The following FAT3 variants were observed in gnomAD, a reference collection of about 807,000 sequenced individuals.
FAT3 encodes FAT atypical cadherin 3.
In FAT3, 95 loss-of-function variants were observed where a neutral mutation model predicts 310.2. The ratio of observed to expected loss-of-function variants is 0.31; its 90% CI spans 0.26 to 0.36. The LOEUF is 0.36. Among genes scored for constraint, FAT3 ranks in the 10% least tolerant of loss-of-function variants. FAT3 has a pLI of 1.00. For missense variants in FAT3, 5,408 were observed against 5,715.6 expected (o/e 0.95, Z 1.74); for synonymous variants, 2,314 against 2,192.9 (o/e 1.06, Z -1.54).
At chr11:92,664,094 C>G (rs1219697663) in intron 3 of FAT3, among the ~76,000 whole-genome samples, 1 of 152,152 alleles carries the variant, frequency 6.6e-6, no homozygotes, top group Non-Finnish European at 1.5e-5. Context: ...CTCATCATCA[C>G]TCTTTTACAC....
intron 6 of FAT3, among the ~76,000 whole-genome samples, chr11:92,770,359 C>T (rs929585334): frequency 6.6e-6 from 1 of 152,204 alleles, no homozygotes; most frequent in Non-Finnish European, 1.5e-5. Context: ...CTGACCTCCA[C>T]CTGGTGTCCC....
intron 1 of FAT3, among the ~76,000 whole-genome samples, chr11:92,328,649 G>A (rs6483176): frequency 0.089 from 13,515 of 152,246 alleles, 1,120 homozygotes; most frequent in African/African-American, 0.22. Context: ...GCCACCTTAC[G>A]AGGCACGTGA....
intron 4 of FAT3, among the ~76,000 whole-genome samples, chr11:92,718,719 A>G (rs1395695650): frequency 1.3e-5 from 2 of 152,206 alleles, no homozygotes; most frequent in African/African-American, 4.8e-5. Flanking sequence ...TCTGGCTTCT[A>G]GATTAGTGTT....
intron 4 of FAT3, among the ~76,000 whole-genome samples, chr11:92,740,516 T>C (rs1307343490): frequency 1.3e-5 from 2 of 152,198 alleles, no homozygotes; most frequent in Admixed American, 6.5e-5. Flanking sequence ...TGAAGAATCA[T>C]TGGAGTCTTT....
chr11:92,804,062 T>C lies in FAT3; in HGVS notation c.8897-1091T>C, dbSNP rs370366666. On this transcript the variant is annotated intron_variant, in intron 10 of 27. Coordinates refer to ENST00000525166, the MANE Select transcript of FAT3 (RefSeq NM_001367949.2). Reference sequence around the variant, plus strand: ...AAAGATTCATTGTAAGTGTGAGATATGGCTCCAAGTTTTCAATGAAGTAGC... The same window carrying C: ...AAAGATTCATTGTAAGTGTGAGATACGGCTCCAAGTTTTCAATGAAGTAGC... Among the ~76,000 whole-genome samples the C allele has an allele frequency of 1.6e-4, 25 of 152,344 alleles. No individual in the cohort carries two copies. In the East Asian group the frequency reaches 4.4e-3, roughly 27 times the overall value.
intron 3 of FAT3, among the ~76,000 whole-genome samples, chr11:92,640,479 C>T (rs746004118): frequency 9.9e-5 from 15 of 152,070 alleles, no homozygotes; most frequent in Non-Finnish European, 2.1e-4. Context: ...TTAATTACTG[C>T]CATTATGACT....
At chr11:92,805,693 A>C (rs576102186) in intron 11 of FAT3, among the ~76,000 whole-genome samples, 2 of 152,308 alleles carry the variant, frequency 1.3e-5, no homozygotes, top group East Asian at 1.9e-4. Context: ...ACTCTACAGG[A>C]TGTTAACTTG....
chr11:92,371,979 G>A (rs752000956), intron 2 of FAT3, among the ~76,000 whole-genome samples: 11 of 152,116 alleles, frequency 7.2e-5, no homozygotes, highest in Non-Finnish European at 1.2e-4. Context: ...TTTTTAAGTT[G>A]GTCACAGCTT....
chr11:92,599,536 G>GTC (rs1185959490), intron 3 of FAT3, among the ~76,000 whole-genome samples: 1 of 152,144 alleles, frequency 6.6e-6, no homozygotes, highest in Non-Finnish European at 1.5e-5. Context: ...ATCAGAAATT[G>GTC]TCTCACATCC....
chr11:92,346,426 T>C (rs554621898), intron 1 of FAT3, among the ~76,000 whole-genome samples: 1 of 152,302 alleles, frequency 6.6e-6, no homozygotes, highest in Admixed American at 6.5e-5. Context: ...CTTTTGGCCA[T>C]GTCACCATGC....
intron 24 of FAT3, among the ~76,000 whole-genome samples, chr11:92,886,418 A>G (rs1452034129): frequency 6.6e-6 from 1 of 151,978 alleles, no homozygotes; most frequent in African/African-American, 2.4e-5. Flanking sequence ...TATGTGGTTA[A>G]GGGCATATCC....
intron 3 of FAT3, among the ~76,000 whole-genome samples, chr11:92,577,038 TCA>T (rs2135520777): frequency 6.6e-6 from 1 of 152,198 alleles, no homozygotes; most frequent in Non-Finnish European, 1.5e-5. Context: ...ATTCATTCAT[TCA>T]TTCATTCTTT....
chr11:92,418,066 C>G (rs1413081699), intron 2 of FAT3, among the ~76,000 whole-genome samples: 2 of 152,178 alleles, frequency 1.3e-5, no homozygotes, highest in Admixed American at 6.5e-5. Context: ...AAGCAAGTCA[C>G]TTGTTGAAGT....
At chr11:92,693,684 A>G (rs1943858784) in intron 3 of FAT3, among the ~76,000 whole-genome samples, 1 of 152,188 alleles carries the variant, frequency 6.6e-6, no homozygotes, top group Non-Finnish European at 1.5e-5. Context: ...GTAAGTAGGT[A>G]CTTTGAGCAG....
chr11:92,682,050 GA>G (rs1943496900), intron 3 of FAT3, among the ~76,000 whole-genome samples: 1 of 152,168 alleles, frequency 6.6e-6, no homozygotes, highest in African/African-American at 2.4e-5. Context: ...ATTTAAAAAG[GA>G]GTCCTGTGTC....
At chr11:92,238,710 C>T (rs933315082) in intron 1 of FAT3, among the ~76,000 whole-genome samples, 7 of 151,872 alleles carry the variant, frequency 4.6e-5, no homozygotes, top group African/African-American at 1.5e-4. Context: ...GTAATGAGAA[C>T]AAATACTATG....
In FAT3 at chr11:92,893,392, A is replaced by AAC. The variant is rs1244040010; in HGVS notation, c.*2280_*2281insCA. 6.6e-6 allele frequency: 1 copy of AAC among 152,254 alleles called. No individual in the cohort carries two copies. Among genetic ancestry groups the AAC allele is most frequent in the Non-Finnish European group, 1.5e-5 (1 of 68,038 alleles). 9.4% of individuals were successfully genotyped at this position (152,254 alleles called of 1,614,324 possible). On this transcript the variant is annotated 3_prime_UTR_variant, in exon 28 of 28. Transcript: ENST00000525166. ...TGCAAGAATCATGGAAAAAAATGAC[A>AAC]AACTAATGGCCTAGAATAGAGTGAC...
In FAT3 at chr11:92,857,232, C is replaced by T; in HGVS notation, c.11384C>T (p.Ser3795Phe). ...GTCACAGGAGGACTGTGTCCGGGGT[C>T]CAACGATCCTTGTGTGGAGAAGCCG... The part of the protein sequence containing the change: ...CTCNGGLCPG[S>F]NDPCVEKPCP... The change falls in exon 20 of 28, where the codon TCC becomes TTC. Residue 3795 changes from serine (S) to phenylalanine (F), a missense_variant. Ser to Phe is a radical substitution (Grantham distance 155). Transcript: ENST00000525166. The T allele has an allele frequency of 6.2e-7, 1 of 1,613,938 alleles. No individual in the cohort carries two copies. The highest frequency in any genetic ancestry group is 8.5e-7 in the Non-Finnish European group (1 of 1,179,898).
At chr11:92,236,749 C>T (rs1864436046) in intron 1 of FAT3, among the ~76,000 whole-genome samples, 1 of 152,106 alleles carries the variant, frequency 6.6e-6, no homozygotes, top group Non-Finnish European at 1.5e-5. Flanking sequence ...TTAAAATTTG[C>T]TCACAGTTCA....
Sources: gnomAD v4.1 joint callset for allele counts (sites outside exome capture counted in the v4.1 genomes callset) on GRCh38, gnomAD v4.1.1 for gene constraint, MANE v1.5 for transcripts, NCBI Gene and HGNC (gene_info 2026-07-23, HGNC 2026-07-21) for gene names.